TSHZ2: variants seen among roughly 807,000 people sequenced by gnomAD.
The protein encoded by TSHZ2 is teashirt zinc finger homeobox 2, also known as teashirt homolog 2.
Under a neutral mutation model 74.4 loss-of-function variants are expected in TSHZ2, and 21 were observed. That is an observed-to-expected ratio of 0.28 (90% CI 0.20 to 0.41). The LOEUF (loss-of-function observed/expected upper bound fraction) is 0.41. Ranked by LOEUF, TSHZ2 falls within the 10% of genes least tolerant of loss-of-function variation. The probability of loss-of-function intolerance (pLI) is 1.00; values close to 1 mark genes in which losing one functional copy is unlikely to be tolerated. For missense variants in TSHZ2, 1,244 were observed against 1,293.5 expected (o/e 0.96, Z 0.59); for synonymous variants, 540 against 515.3 (o/e 1.05, Z -0.65).
intron 2 of TSHZ2, among the ~76,000 whole-genome samples, chr20:53,349,368 G>A (rs1980557183): frequency 6.6e-6 from 1 of 152,318 alleles, no homozygotes; most frequent in African/African-American, 2.4e-5. Context: ...TAATTGTGTA[G>A]TGGCCAAGTG....
At chr20:53,462,625 C>G (rs1243027043) in intron 2 of TSHZ2, among the ~76,000 whole-genome samples, 1 of 152,318 alleles carries the variant, frequency 6.6e-6, no homozygotes, top group Admixed American at 6.5e-5. Flanking sequence ...GAGGACTGAA[C>G]ATTTTCTAGT....
rs944089314 is a variant in TSHZ2 at position 53,201,203 on chromosome 20, T to G, written c.41-52296T>G. On this transcript the variant is annotated intron_variant, in intron 1 of 2. Coordinates refer to ENST00000371497, the MANE Select transcript of TSHZ2 (RefSeq NM_173485.6). ...GGTTATTCATTTTGGATTGCTGATA[T>G]AACACATTATCACAAACGTAGTGGC... Among the ~76,000 whole-genome samples, 5 of 152,208 alleles carry G rather than the reference T, an allele frequency of 3.3e-5. No individual in the cohort carries two copies. In the South Asian group the frequency reaches 6.2e-4, roughly 19 times the overall value.
chr20:53,106,696 C>CCCTTCTCACACTTTCTAAA (rs1986382572), intron 1 of TSHZ2, among the ~76,000 whole-genome samples: 1 of 135,546 alleles, frequency 7.4e-6, no homozygotes, highest in African/African-American at 3.1e-5. Context: ...CCACGCAGGG[C>CCCTTCTCACACTTTCTAAA]ATTTTTTTTT....
chr20:53,255,936 G>A lies in TSHZ2; in HGVS notation c.2478G>A (p.Arg826=). The change falls in exon 2 of 3, where the codon AGG becomes AGA. Residue 826 remains arginine (R), a synonymous_variant. Transcript: ENST00000371497. This position sits in a 1 kb window ranked among gnomAD's most constrained non-coding sequence, Gnocchi z 4.1. ...CCATGAAGCTGGAAATGGATGTCAGGCGCTTTGAGGATGTCTCCAGTGAAG... is the reference window on the plus strand; with the variant it reads ...CCATGAAGCTGGAAATGGATGTCAGACGCTTTGAGGATGTCTCCAGTGAAG... ...VPPMKLEMDV[R]RFEDVSSEVS... The A allele has an allele frequency of 1.2e-6, 2 of 1,614,164 alleles. No homozygotes were observed. Among genetic ancestry groups the A allele is most frequent in the Non-Finnish European group, 1.7e-6 (2 of 1,180,018 alleles).
At chr20:52,985,678 C>T (rs140985089) in intron 1 of TSHZ2, among the ~76,000 whole-genome samples, 74 of 152,252 alleles carry the variant, frequency 4.9e-4, no homozygotes, top group African/African-American at 1.5e-3. Flanking sequence ...CAAGACCTGG[C>T]ACATAGACGA....
intron 2 of TSHZ2, among the ~76,000 whole-genome samples, chr20:53,484,471 C>T (rs1311349562): frequency 6.6e-6 from 1 of 151,516 alleles, no homozygotes; most frequent in African/African-American, 2.4e-5. Flanking sequence ...CTACAACCTC[C>T]GCCTCCCAGG....
chr20:53,396,195 C>T (rs1982439448), intron 2 of TSHZ2, among the ~76,000 whole-genome samples: 1 of 152,222 alleles, frequency 6.6e-6, no homozygotes, highest in African/African-American at 2.4e-5. Flanking sequence ...CCTTGGCCTC[C>T]CAGAGTGCTG....
rs1990565479 is a variant in TSHZ2 at position 53,259,807 on chromosome 20, T to C, written c.*8+3236T>C. ...CCAAATATTGCATGGGCCATACTTATATTTTTAAAATATTCATTGTTTATC... is the reference window on the plus strand; with the variant it reads ...CCAAATATTGCATGGGCCATACTTACATTTTTAAAATATTCATTGTTTATC... On this transcript the variant is annotated intron_variant, in intron 2 of 2. Transcript: ENST00000371497. Among the ~76,000 whole-genome samples, 5 of 152,364 alleles carry C rather than the reference T, an allele frequency of 3.3e-5. No homozygotes were observed. The South Asian group carries it at 8.3e-4, about 25-fold the overall frequency.
At chr20:53,253,036 T>C (rs533473534) in intron 1 of TSHZ2, among the ~76,000 whole-genome samples, 2 of 152,242 alleles carry the variant, frequency 1.3e-5, no homozygotes, top group South Asian at 2.1e-4. Context: ...TTTATATGGT[T>C]ATATGCCAAT....
intron 2 of TSHZ2, among the ~76,000 whole-genome samples, chr20:53,428,249 A>G (rs1983724247): frequency 1.3e-5 from 2 of 152,224 alleles, no homozygotes; most frequent in Non-Finnish European, 2.9e-5. Context: ...TCACAAACTC[A>G]GTCTTCTCGT....
chr20:53,478,765 G>C (rs1986063983), intron 2 of TSHZ2, among the ~76,000 whole-genome samples: 4 of 152,006 alleles, frequency 2.6e-5, no homozygotes, highest in African/African-American at 9.7e-5. Flanking sequence ...ACTCACTGTT[G>C]ACATTTTAGG....
At chr20:53,442,468 G>A (rs1217506463) in intron 2 of TSHZ2, among the ~76,000 whole-genome samples, 1 of 152,202 alleles carries the variant, frequency 6.6e-6, no homozygotes, top group African/African-American at 2.4e-5. Flanking sequence ...GGTAGACAGA[G>A]GGAAGGTGCT....
Position 53,254,400 on chromosome 20 carries a change from G to A in TSHZ2, c.942G>A (p.Ser314=), listed in dbSNP as rs752188288. The A allele has an allele frequency of 5.7e-5, 92 of 1,613,800 alleles. No homozygotes were observed. The highest frequency in any genetic ancestry group is 3.0e-4 in the South Asian group (27 of 91,056). The change falls in exon 2 of 3, where the codon TCG becomes TCA. Residue 314 remains serine (S), a synonymous_variant. Transcript: ENST00000371497. ...PLKEPVPTIS[S]KMVTPAKKRV... is the part of the protein sequence containing the mutation. ...AGGAGCCAGTCCCAACCATTTCCTCGAAAATGGTCACCCCGGCTAAGAAAC... is the reference window on the plus strand; with the variant it reads ...AGGAGCCAGTCCCAACCATTTCCTCAAAAATGGTCACCCCGGCTAAGAAAC...
At chr20:53,022,553 C>T (rs1013624671) in intron 1 of TSHZ2, among the ~76,000 whole-genome samples, 12 of 151,310 alleles carry the variant, frequency 7.9e-5, no homozygotes, top group African/African-American at 2.2e-4. Context: ...TCCTTGTGAA[C>T]GGGAAGCATC....
intron 2 of TSHZ2, among the ~76,000 whole-genome samples, chr20:53,297,534 G>A (rs1991402293): frequency 1.3e-5 from 2 of 152,160 alleles, no homozygotes. Context: ...GCGATTATAG[G>A]CATGAGCCAC....
intron 2 of TSHZ2, among the ~76,000 whole-genome samples, chr20:53,344,700 G>C (rs546308315): frequency 1.3e-5 from 2 of 152,078 alleles, no homozygotes; most frequent in Non-Finnish European, 2.9e-5. Flanking sequence ...ATTCCAACTG[G>C]GTATGTTAAA....
chr20:53,253,608 G>T lies in TSHZ2; in HGVS notation c.150G>T (p.Thr50=). 6.2e-7 allele frequency: 1 copy of T among 1,614,176 alleles called. No homozygotes were observed. Among genetic ancestry groups the T allele is most frequent in the Non-Finnish European group, 8.5e-7 (1 of 1,180,042 alleles). Residue 50 remains threonine, a synonymous_variant, in exon 2 of 3, where the codon ACG becomes ACT. Coordinates refer to ENST00000371497, the MANE Select transcript of TSHZ2 (RefSeq NM_173485.6). The part of the protein sequence containing the change: ...AQLQGGNDTG[T]DEELETGPEQ... ...TGCAGGGTGGCAATGACACAGGGAC[G>T]GACGAGGAGCTAGAAACGGGCCCAG...
rs533720858 is a variant in TSHZ2 at position 53,197,374 on chromosome 20, G to A, written c.41-56125G>A. The stretch of plus-strand genomic sequence containing the variant: ...GGTTTTGCATTTCTTAGGTAGGTGC[G>A]TGCAAAGGAGAAGACTTTTAACAAA... On this transcript the variant is annotated intron_variant, in intron 1 of 2. Transcript: ENST00000371497. Among the ~76,000 whole-genome samples the A allele has an allele frequency of 1.2e-3, 185 of 152,256 alleles. 1 individual carries two copies. The highest frequency in any genetic ancestry group is 2.2e-3 in the Non-Finnish European group (147 of 68,018).
intron 1 of TSHZ2, among the ~76,000 whole-genome samples, chr20:53,247,383 T>C (rs551966406): frequency 6.6e-6 from 1 of 152,220 alleles, no homozygotes; most frequent in South Asian, 2.1e-4. Flanking sequence ...ACTTCCTCTC[T>C]CCTGAAACAA....
Sources: gnomAD v4.1 joint callset for allele counts (sites outside exome capture counted in the v4.1 genomes callset) on GRCh38, gnomAD v4.1.1 for gene constraint, Gnocchi (gnomAD v3.1) non-coding constraint, MANE v1.5 for transcripts, NCBI Gene and HGNC (gene_info 2026-07-23, HGNC 2026-07-21) for gene names.